The following ADGRL3 variants were observed in gnomAD, a reference collection of about 807,000 sequenced individuals.
ADGRL3 encodes the protein calcium-independent alpha-latrotoxin receptor 3.
In ADGRL3, 62 loss-of-function variants were observed where a neutral mutation model predicts 153.5. That is an observed-to-expected ratio of 0.40 (90% CI 0.33 to 0.50). ADGRL3 has a LOEUF of 0.50. Among genes scored for constraint, ADGRL3 ranks in the 20% least tolerant of loss-of-function variants. The pLI is 0.47. For synonymous variants in ADGRL3, 710 were observed against 672.5 expected (o/e 1.06, Z -0.86); for missense variants, 1,641 against 1,859.4 (o/e 0.88, Z 2.16).
At chr4:61,903,650 CAAAAAAAAAAA>C (rs55879235) in intron 11 of ADGRL3, among the ~76,000 whole-genome samples, 18 of 72,356 alleles carry the variant, frequency 2.5e-4, no homozygotes, top group African/African-American at 8.5e-4. Context: ...TGGGAAACAG[CAAAAAAAAAAA>C]AAAAAAAAAA....
At chr4:61,355,729 T>G (rs1436335639) in intron 1 of ADGRL3, among the ~76,000 whole-genome samples, 1 of 152,106 alleles carries the variant, frequency 6.6e-6, no homozygotes, top group Non-Finnish European at 1.5e-5. Context: ...ACATTTCACC[T>G]CTTGGTACAG....
chr4:61,589,111 T>G (rs1263885711), intron 5 of ADGRL3, among the ~76,000 whole-genome samples: 1 of 152,064 alleles, frequency 6.6e-6, no homozygotes, highest in East Asian at 1.9e-4. Context: ...CTGAACTATA[T>G]GGGATGCGTA....
At chr4:61,354,574 C>CTGTGTG (rs58238791) in intron 1 of ADGRL3, among the ~76,000 whole-genome samples, 5,301 of 148,336 alleles carry the variant, frequency 0.036, 211 homozygotes, top group African/African-American at 0.1. Flanking sequence ...AAGACTTTGT[C>CTGTGTG]TGTGTGTGTG....
chr4:61,583,263 G>A lies in ADGRL3; in HGVS notation c.260-3964G>A, dbSNP rs1026111915. Among the ~76,000 whole-genome samples, 31 of 151,904 alleles carry A rather than the reference G, an allele frequency of 2.0e-4. 1 individual carries two copies. Among genetic ancestry groups the A allele is most frequent in the African/African-American group, 6.8e-4 (28 of 41,394 alleles). On this transcript the variant is annotated intron_variant, in intron 4 of 26. Transcript: ENST00000683033. ...AAGAGGAGTCACCTGACTCTTGATCGGTCACCTACTTCTAGCCTCCTGACT... is the reference window on the plus strand; with the variant it reads ...AAGAGGAGTCACCTGACTCTTGATCAGTCACCTACTTCTAGCCTCCTGACT...
intron 15 of ADGRL3, 83 bp from the exon 16 acceptor site, chr4:61,946,831 A>G (rs936806642): frequency 1.9e-6 from 2 of 1,036,644 alleles, no homozygotes; most frequent in Non-Finnish European, 1.5e-6. Context: ...AATACATACT[A>G]CATGGATTTA....
chr4:61,963,854 T>C (rs1245380262), intron 17 of ADGRL3, among the ~76,000 whole-genome samples: 2 of 152,136 alleles, frequency 1.3e-5, no homozygotes, highest in Non-Finnish European at 2.9e-5. Flanking sequence ...TCTGCAATTC[T>C]AGTGAGAAAC....
intron 4 of ADGRL3, among the ~76,000 whole-genome samples, chr4:61,564,005 C>CAAATAAAT (rs886736416): frequency 6.6e-6 from 1 of 151,934 alleles, no homozygotes; most frequent in Non-Finnish European, 1.5e-5. Context: ...GAGACTGTCT[C>CAAATAAAT]AAATAAATAA....
chr4:61,226,163 A>C (rs1747875931), intron 1 of ADGRL3, among the ~76,000 whole-genome samples: 1 of 152,156 alleles, frequency 6.6e-6, no homozygotes, highest in Non-Finnish European at 1.5e-5. Context: ...CATAAACATT[A>C]ACATTTCTAA....
At chr4:61,242,966 ATT>A (rs1228035464) in intron 1 of ADGRL3, among the ~76,000 whole-genome samples, 1 of 152,080 alleles carries the variant, frequency 6.6e-6, no homozygotes, top group Non-Finnish European at 1.5e-5. Flanking sequence ...TAAGGAGTCT[ATT>A]TGTAAGCTAG....
intron 5 of ADGRL3, among the ~76,000 whole-genome samples, chr4:61,655,048 ATTT>A (rs1432160810): frequency 6.6e-6 from 1 of 152,144 alleles, no homozygotes; most frequent in Non-Finnish European, 1.5e-5. Flanking sequence ...CATTATTATT[ATTT>A]TATGTGTGAC....
At chr4:61,677,223 G>C in intron 6 of ADGRL3, 1 of 329,978 alleles carries the variant, frequency 3.0e-6, no homozygotes, top group Non-Finnish European at 5.8e-6. Flanking sequence ...AAGGTTGGGG[G>C]AGTGTTATAC....
In ADGRL3 at chr4:61,541,346, ATTT is replaced by A. The variant is rs3075146; in HGVS notation, c.259+23850_259+23852del. On this transcript the variant is annotated intron_variant, in intron 4 of 26. Coordinates refer to ENST00000683033, the MANE Select transcript of ADGRL3 (RefSeq NM_001387552.1). ...GAGCAGATGCTGTTTTCTGGTAGAG[ATTT>A]TTTTTTTTTTTTTTTTTTTTTCTGA... Among the ~76,000 whole-genome samples the A allele has an allele frequency of 9.5e-3, 983 of 103,332 alleles. 9 individuals carry two copies. The highest frequency in any genetic ancestry group is 0.039 in the South Asian group (103 of 2,640). 67.8% of individuals were successfully genotyped at this position (103,332 alleles called of 152,430 possible).
chr4:61,207,556 A>T (rs1482993773), intron 1 of ADGRL3, among the ~76,000 whole-genome samples: 1 of 152,208 alleles, frequency 6.6e-6, no homozygotes, highest in South Asian at 2.1e-4. Flanking sequence ...TCCTTTGGGT[A>T]TATACCCAGT....
At chr4:61,713,637 TTA>T (rs1204023431) in intron 6 of ADGRL3, among the ~76,000 whole-genome samples, 1 of 152,026 alleles carries the variant, frequency 6.6e-6, no homozygotes, top group Non-Finnish European at 1.5e-5. Flanking sequence ...CTCCTTTACA[TTA>T]TACTGAACTA....
chr4:61,645,556 G>T (rs908684631), intron 5 of ADGRL3, among the ~76,000 whole-genome samples: 2 of 152,058 alleles, frequency 1.3e-5, no homozygotes, highest in African/African-American at 2.4e-5. Flanking sequence ...GCTTAGTTTG[G>T]CTGGATATGA....
In ADGRL3 at chr4:61,673,892, A is replaced by T. The variant is rs1316773869; in HGVS notation, c.474-2934A>T. The stretch of plus-strand genomic sequence containing the variant: ...AAATTACTGCTGTTTTATATAGAAC[A>T]ATGATGATAATAACTATAAATATAT... On this transcript the variant is annotated intron_variant, in intron 5 of 26. Transcript: ENST00000683033. 2.0e-5 allele frequency among the ~76,000 whole-genome samples: 3 copies of T among 151,216 alleles called. No homozygotes were observed. The East Asian group carries it at 5.9e-4, about 29-fold the overall frequency.
At chr4:61,457,019 A>G (rs2097763102) in intron 2 of ADGRL3, among the ~76,000 whole-genome samples, 1 of 151,972 alleles carries the variant, frequency 6.6e-6, no homozygotes, top group African/African-American at 2.4e-5. Flanking sequence ...TATGGACAAT[A>G]ATACATGTTC....
intron 1 of ADGRL3, among the ~76,000 whole-genome samples, chr4:61,340,742 A>G (rs1298969027): frequency 6.6e-6 from 1 of 151,996 alleles, no homozygotes; most frequent in Non-Finnish European, 1.5e-5. Flanking sequence ...GCAACAATAC[A>G]GTTACAATAA....
chr4:61,563,866 G>A (rs2098805531), intron 4 of ADGRL3, among the ~76,000 whole-genome samples: 3 of 152,024 alleles, frequency 2.0e-5, no homozygotes, highest in African/African-American at 7.2e-5. Flanking sequence ...AAATTAGCTG[G>A]GCGTGGTGGT....
Sources: gnomAD v4.1 joint callset for allele counts (sites outside exome capture counted in the v4.1 genomes callset) on GRCh38, gnomAD v4.1.1 for gene constraint, MANE v1.5 for transcripts, NCBI Gene and HGNC (gene_info 2026-07-23, HGNC 2026-07-21) for gene names.